The following POU2F3 variants were observed in gnomAD, a reference collection of about 807,000 sequenced individuals.
POU2F3 encodes POU class 2 homeobox 3.
Under a neutral mutation model 59.2 loss-of-function variants are expected in POU2F3, and 23 were observed. The observed-to-expected ratio is 0.39, with a 90% CI of 0.28 to 0.55. The LOEUF (loss-of-function observed/expected upper bound fraction) is 0.55, where lower values mean the gene tolerates loss of function less well. POU2F3 is among the 20% of genes least tolerant of loss of function. POU2F3 has a pLI of 0.66. For missense variants in POU2F3, 473 were observed against 544.5 expected (o/e 0.87, Z 1.31); for synonymous variants, 190 against 214.6 (o/e 0.89, Z 1.00).
intron 3 of POU2F3, among the ~76,000 whole-genome samples, chr11:120,296,755 C>T (rs929134710): frequency 6.6e-6 from 1 of 152,160 alleles, no homozygotes; most frequent in Non-Finnish European, 1.5e-5. Flanking sequence ...GCATAGTATT[C>T]CATGGTGTAT....
chr11:120,257,933 C>T (rs1002237858), intron 2 of POU2F3, among the ~76,000 whole-genome samples: 3 of 152,244 alleles, frequency 2.0e-5, no homozygotes, highest in African/African-American at 7.2e-5. Flanking sequence ...AGCTCTGGAG[C>T]AAATGACCTT....
At chr11:120,247,301 A>G (rs577529674) in intron 2 of POU2F3, among the ~76,000 whole-genome samples, 1 of 152,346 alleles carries the variant, frequency 6.6e-6, no homozygotes, top group East Asian at 1.9e-4. Context: ...CATTAGAGAC[A>G]TAGAAATTAG....
intron 2 of POU2F3, chr11:120,256,551 C>T (rs756631131): frequency 1.3e-5 from 2 of 152,192 alleles, no homozygotes; most frequent in Non-Finnish European, 2.9e-5. Flanking sequence ...CCAGGACTCT[C>T]GAGTTGGAAG....
upstream of POU2F3, chr11:120,240,059 A>T (rs1001846268): frequency 2.0e-5 from 22 of 1,085,220 alleles, no homozygotes; most frequent in Admixed American, 1.0e-4. Context: ...ACTGCTTTGC[A>T]TGGGCCTGGG....
At chr11:120,313,812 G>A (rs1370070288) in intron 10 of POU2F3, among the ~76,000 whole-genome samples, 2 of 152,124 alleles carry the variant, frequency 1.3e-5, no homozygotes, top group Non-Finnish European at 2.9e-5. Flanking sequence ...TTAGGAGTTC[G>A]AGACCAGCCT....
rs1260506215 is a variant in POU2F3 at position 120,316,193 on chromosome 11, T to C, written c.1135+766T>C. 5.3e-5 allele frequency among the ~76,000 whole-genome samples: 8 copies of C among 152,206 alleles called. No individual in the cohort carries two copies. In the East Asian group the frequency reaches 1.6e-3, roughly 30 times the overall value. On this transcript the variant is annotated intron_variant, in intron 11 of 12. Coordinates refer to ENST00000543440, the MANE Select transcript of POU2F3 (RefSeq NM_014352.4). The stretch of plus-strand genomic sequence containing the variant: ...TCAGCCCCTTCCACTTTTCAAAGTG[T>C]CTTAGGGTCTTAGTTTGGATGGTAA...
rs567356152 is a variant in POU2F3 at position 120,276,926 on chromosome 11, T to C, written c.132+7682T>C. ...ACTTTGGGAGGCCGAGGTGGGTGGA[T>C]CACCTGAGGTCAGGAGTTCAAGACC... On this transcript the variant is annotated intron_variant, in intron 3 of 12. Coordinates refer to ENST00000543440, the MANE Select transcript of POU2F3 (RefSeq NM_014352.4). Among the ~76,000 whole-genome samples the C allele has an allele frequency of 5.8e-4, 88 of 152,102 alleles. No homozygotes were observed. The Middle Eastern group carries it at 0.017, about 29-fold the overall frequency.
At chr11:120,298,813 G>T (rs984622943) in intron 4 of POU2F3, among the ~76,000 whole-genome samples, 2 of 152,226 alleles carry the variant, frequency 1.3e-5, no homozygotes, top group African/African-American at 2.4e-5. Context: ...GTCTGAGATA[G>T]TAACAGCCAA....
chr11:120,299,496 C>T (rs1316689743), intron 4 of POU2F3, 128 bp from the exon 5 acceptor site: 1 of 697,904 alleles, frequency 1.4e-6, no homozygotes, highest in East Asian at 2.7e-5. Flanking sequence ...TACACAGTGG[C>T]ATAAACCAAG....
chr11:120,299,777 G>A, intron 5 of POU2F3, 51 bp downstream of exon 5: 3 of 1,509,124 alleles, frequency 2.0e-6, no homozygotes, highest in Non-Finnish European at 2.7e-6. Flanking sequence ...AAGTGCTGCT[G>A]TTGCTGCTGT....
chr11:120,317,720 G>A (rs1050405211), intron 12 of POU2F3, among the ~76,000 whole-genome samples: 1 of 152,158 alleles, frequency 6.6e-6, no homozygotes, highest in African/African-American at 2.4e-5. Flanking sequence ...TGAGCCCAGA[G>A]CTTAGGCACA....
chr11:120,297,875 ATCC>A (rs1941232567), intron 3 of POU2F3, among the ~76,000 whole-genome samples: 3 of 150,882 alleles, frequency 2.0e-5, no homozygotes, highest in Non-Finnish European at 4.4e-5. Context: ...GGCTCAAATG[ATCC>A]TCCTATCTCA....
At chr11:120,244,953 G>T (rs1259888846) in intron 1 of POU2F3, among the ~76,000 whole-genome samples, 1 of 152,108 alleles carries the variant, frequency 6.6e-6, no homozygotes, top group Admixed American at 6.5e-5. Context: ...GCACTAGGAG[G>T]GGAGGGGGTG....
chr11:120,272,669 A>C (rs1375027697), intron 3 of POU2F3, among the ~76,000 whole-genome samples: 1 of 152,208 alleles, frequency 6.6e-6, no homozygotes, highest in Non-Finnish European at 1.5e-5. Flanking sequence ...CTCATCGGGA[A>C]GTTTCCACAC....
intron 1 of POU2F3, among the ~76,000 whole-genome samples, chr11:120,242,089 A>G (rs1448527135): frequency 1.3e-5 from 2 of 152,062 alleles, no homozygotes; most frequent in Non-Finnish European, 2.9e-5. Context: ...AGATTGCCCA[A>G]TTCATCTCTC....
Position 120,242,011 on chromosome 11 carries a change from G to C in POU2F3, c.28+1640G>C, listed in dbSNP as rs141283020. 1.8e-4 allele frequency among the ~76,000 whole-genome samples: 27 copies of C among 152,242 alleles called. No individual in the cohort carries two copies. In the East Asian group the frequency reaches 4.8e-3, roughly 27 times the overall value. ...CTGTGAGCAGGTATTCCCGACACAT[G>C]GGGGGAGACTGAGCTAAACCCCAGG... On this transcript the variant is annotated intron_variant, in intron 1 of 12. Coordinates refer to ENST00000543440, the MANE Select transcript of POU2F3 (RefSeq NM_014352.4).
chr11:120,254,507 C>G (rs1591379291), intron 2 of POU2F3, among the ~76,000 whole-genome samples: 1 of 152,166 alleles, frequency 6.6e-6, no homozygotes, highest in Non-Finnish European at 1.5e-5. Flanking sequence ...ACCACTTCCC[C>G]CCGGAAGGGC....
intron 3 of POU2F3, among the ~76,000 whole-genome samples, chr11:120,288,851 A>G (rs1940922146): frequency 6.6e-6 from 1 of 152,216 alleles, no homozygotes; most frequent in South Asian, 2.1e-4. Flanking sequence ...TGTAATACAT[A>G]CATGTGCATA....
Position 120,307,435 on chromosome 11 carries a change from C to T in POU2F3, c.770-44C>T, listed in dbSNP as rs1000740889. 3.7e-6 allele frequency: 6 copies of T among 1,606,248 alleles called. No individual in the cohort carries two copies. The African/African-American group carries it at 8.0e-5, about 21-fold the overall frequency. ...CAGATCCATGAAGGCACCGGCCACT[C>T]ATCCCCTTCTCTGAGCTTCCTCTGG... On this transcript the variant is annotated intron_variant, in intron 8 of 12. Transcript: ENST00000543440.
Sources: gnomAD v4.1 joint callset for allele counts (sites outside exome capture counted in the v4.1 genomes callset) on GRCh38, gnomAD v4.1.1 for gene constraint, MANE v1.5 for transcripts, NCBI Gene and HGNC (gene_info 2026-07-23, HGNC 2026-07-21) for gene names.